Variants in CCDC91 observed in about 807,000 individuals in gnomAD.
CCDC91 encodes coiled-coil domain-containing protein 91.
In CCDC91, 48 loss-of-function variants were observed where a neutral mutation model predicts 63.2. That is an observed-to-expected ratio of 0.76 (90% CI 0.60 to 0.97). The LOEUF is 0.97. Ranked by LOEUF, CCDC91 falls within the 50% of genes least tolerant of loss-of-function variation. The pLI, the probability that CCDC91 is intolerant of heterozygous loss-of-function variation, is 0.00. For synonymous variants in CCDC91, 167 were observed against 165.8 expected (o/e 1.01, Z -0.06); for missense variants, 500 against 494.6 (o/e 1.01, Z -0.10).
intron 1 of CCDC91, among the ~76,000 whole-genome samples, chr12:28,227,841 A>G (rs1592044506): frequency 5.3e-5 from 8 of 152,028 alleles, no homozygotes; most frequent in South Asian, 2.1e-4. Flanking sequence ...GAATTCTTCA[A>G]TGAGTTCTGT....
rs562333973 is a variant in CCDC91, at chr12:28,399,678, T to C, written c.762+8267T>C. On this transcript the variant is annotated intron_variant, in intron 8 of 12. Coordinates refer to ENST00000536442, the MANE Select transcript of CCDC91 (RefSeq NM_018318.5). ...AATGGAGATACAGACATTGGATAGATGCACTTATTCCAAATGGGAGAAATT... is the reference window on the plus strand; with the variant it reads ...AATGGAGATACAGACATTGGATAGACGCACTTATTCCAAATGGGAGAAATT... Among the ~76,000 whole-genome samples, 3 of 152,342 alleles carry C rather than the reference T, an allele frequency of 2.0e-5. No individual in the cohort carries two copies. In the East Asian group the frequency reaches 5.8e-4, roughly 29 times the overall value.
intron 8 of CCDC91, among the ~76,000 whole-genome samples, chr12:28,437,072 T>C (rs923504749): frequency 2.0e-5 from 3 of 151,906 alleles, no homozygotes; most frequent in Non-Finnish European, 2.9e-5. Flanking sequence ...AAAGTTGTTC[T>C]ATACTTCATG....
At chr12:28,433,263 C>T (rs1418075657) in intron 8 of CCDC91, among the ~76,000 whole-genome samples, 1 of 151,578 alleles carries the variant, frequency 6.6e-6, no homozygotes, top group Admixed American at 6.6e-5. Flanking sequence ...GCGAATTGTG[C>T]CTTTGGTGTT....
At chr12:28,546,845 T>C (rs1308870546) in intron 12 of CCDC91, among the ~76,000 whole-genome samples, 2 of 152,102 alleles carry the variant, frequency 1.3e-5, no homozygotes, top group Non-Finnish European at 2.9e-5. Context: ...TATCACAATT[T>C]ACAATATGCA....
intron 1 of CCDC91, among the ~76,000 whole-genome samples, chr12:28,203,175 T>G (rs141268479): frequency 1.3e-3 from 202 of 152,292 alleles, no homozygotes; most frequent in African/African-American, 4.5e-3. Flanking sequence ...GGGATGAGAT[T>G]AAAATGCCAT....
At chr12:28,412,960 T>C (rs1433271915) in intron 8 of CCDC91, 2 of 283,182 alleles carry the variant, frequency 7.1e-6, no homozygotes, top group Non-Finnish European at 1.4e-5. Context: ...AAGATAACTT[T>C]AAATCCTTTT....
At chr12:28,529,683 A>G (rs1941577301) in intron 12 of CCDC91, among the ~76,000 whole-genome samples, 1 of 152,220 alleles carries the variant, frequency 6.6e-6, no homozygotes, top group Admixed American at 6.5e-5. Context: ...GTGAGACACG[A>G]TAGGATATAT....
chr12:28,423,690 G>T (rs570441269), intron 8 of CCDC91, among the ~76,000 whole-genome samples: 1 of 152,040 alleles, frequency 6.6e-6, no homozygotes, highest in Non-Finnish European at 1.5e-5. Flanking sequence ...CATCAGGAGA[G>T]GATTTGGAGG....
rs181402680 is a variant in CCDC91 at position 28,509,736 on chromosome 12, T to A, written c.1215+25571T>A. On this transcript the variant is annotated intron_variant, in intron 12 of 12. Coordinates refer to ENST00000536442, the MANE Select transcript of CCDC91 (RefSeq NM_018318.5). ...CGAATGAAAATATTTGTATTGCTCTTCAGCGCTGATGATTATGGGAACAAG... is the reference window on the plus strand; with the variant it reads ...CGAATGAAAATATTTGTATTGCTCTACAGCGCTGATGATTATGGGAACAAG... Among the ~76,000 whole-genome samples the A allele has an allele frequency of 3.2e-3, 486 of 152,016 alleles. 5 individuals are homozygous for A. Among genetic ancestry groups the A allele is most frequent in the Non-Finnish European group, 4.6e-3 (313 of 67,904 alleles).
chr12:28,478,811 G>A (rs946554230), intron 11 of CCDC91, among the ~76,000 whole-genome samples: 1 of 152,006 alleles, frequency 6.6e-6, no homozygotes, highest in African/African-American at 2.4e-5. Flanking sequence ...AGTATATGAA[G>A]AGACAGTTCT....
intron 6 of CCDC91, among the ~76,000 whole-genome samples, chr12:28,341,805 G>A (rs1660124515): frequency 6.6e-6 from 1 of 152,142 alleles, no homozygotes; most frequent in Admixed American, 6.5e-5. Flanking sequence ...TTGCCATCCA[G>A]GCCAAGAAAA....
chr12:28,410,669 G>T (rs1289259837), intron 8 of CCDC91, among the ~76,000 whole-genome samples: 1 of 151,844 alleles, frequency 6.6e-6, no homozygotes, highest in Non-Finnish European at 1.5e-5. Context: ...CTATAGGTGT[G>T]TGCCCCCATG....
chr12:28,229,069 T>A (rs1944437800), intron 1 of CCDC91, among the ~76,000 whole-genome samples: 1 of 152,138 alleles, frequency 6.6e-6, no homozygotes, highest in Admixed American at 6.6e-5. Context: ...CAGGGAGGTG[T>A]ATACATACCA....
At position 28,235,499 on chromosome 12, in the gene CCDC91, C is replaced by G. The variant is rs1255416238; in HGVS notation, c.-14-21703C>G. ...CTGACAAAGGATAGAATGCTGGGCA[C>G]AACTTCATTATAATAAGGACTACTG... On this transcript the variant is annotated intron_variant, in intron 1 of 12. Transcript: ENST00000536442. 2.6e-5 allele frequency among the ~76,000 whole-genome samples: 4 copies of G among 151,256 alleles called. No homozygotes were observed. The East Asian group carries it at 7.8e-4, about 29-fold the overall frequency.
chr12:28,470,709 G>T (rs1381589661), intron 11 of CCDC91, among the ~76,000 whole-genome samples: 11 of 152,082 alleles, frequency 7.2e-5, no homozygotes, highest in Non-Finnish European at 8.8e-5. Flanking sequence ...AGATGAATAG[G>T]TTAAAAAAAT....
intron 12 of CCDC91, among the ~76,000 whole-genome samples, chr12:28,510,117 A>G (rs1939204891): frequency 6.6e-6 from 1 of 151,428 alleles, no homozygotes; most frequent in African/African-American, 2.4e-5. Context: ...AATTGAAATA[A>G]AAGAGTTTCC....
intron 6 of CCDC91, among the ~76,000 whole-genome samples, chr12:28,340,798 C>T (rs2100924): frequency 0.39 from 59,421 of 151,970 alleles, 12,170 homozygotes; most frequent in Middle Eastern, 0.49. Context: ...TAGCCATCTG[C>T]GGGCTGCTTG....
At chr12:28,244,526 T>C (rs954626349) in intron 1 of CCDC91, among the ~76,000 whole-genome samples, 14 of 111,214 alleles carry the variant, frequency 1.3e-4, no homozygotes, top group South Asian at 3.3e-4. Flanking sequence ...TTTTTTTTTT[T>C]ACAGCTCTAC....
chr12:28,436,496 A>G (rs1364258490), intron 8 of CCDC91, among the ~76,000 whole-genome samples: 1 of 151,830 alleles, frequency 6.6e-6, no homozygotes, highest in African/African-American at 2.4e-5. Context: ...TATTGTTGCT[A>G]TTATTTTAAG....
Sources: allele counts gnomAD v4.1 joint callset (sites outside exome capture counted in the v4.1 genomes callset), GRCh38; gene constraint gnomAD v4.1.1; transcripts MANE v1.5; gene names NCBI Gene and HGNC (gene_info 2026-07-23, HGNC 2026-07-21).